Variants in HECW1 observed in about 807,000 individuals in gnomAD.
HECW1 encodes the protein HECT, C2 and WW domain containing E3 ubiquitin protein ligase 1, also known as E3 ubiquitin-protein ligase HECW1.
In HECW1, 61 loss-of-function variants were observed where a neutral mutation model predicts 182.3. The observed-to-expected ratio is 0.33, with a 90% CI of 0.27 to 0.41. The LOEUF (loss-of-function observed/expected upper bound fraction) is 0.41, where lower values mean the gene tolerates loss of function less well. Ranked by LOEUF, HECW1 falls within the 10% of genes least tolerant of loss-of-function variation. The pLI, the probability that HECW1 is intolerant of heterozygous loss-of-function variation, is 1.00. For synonymous variants in HECW1, 859 were observed against 832.6 expected (o/e 1.03, Z -0.55); for missense variants, 1,739 against 2,108.9 (o/e 0.82, Z 3.44).
intron 24 of HECW1, chr7:43,523,208 T>C: frequency 4.2e-6 from 1 of 238,972 alleles, no homozygotes; most frequent in South Asian, 3.7e-5. Flanking sequence ...TTCTCCATGT[T>C]GGCCGGGGGG....
chr7:43,299,411 C>T (rs981546364), intron 3 of HECW1, among the ~76,000 whole-genome samples: 12 of 152,080 alleles, frequency 7.9e-5, no homozygotes, highest in African/African-American at 1.7e-4. Flanking sequence ...ATGGACTGCA[C>T]GAAAACCGTG....
chr7:43,303,654 A>G (rs1807154682), intron 3 of HECW1, among the ~76,000 whole-genome samples: 1 of 152,110 alleles, frequency 6.6e-6, no homozygotes, highest in African/African-American at 2.4e-5. Flanking sequence ...TAATTCTGTG[A>G]TATTCTTCCA....
In HECW1 at chr7:43,279,656, G is replaced by T. The variant is rs577368075; in HGVS notation, c.28-32107G>T. ...ATTTCATTTGTTCTGAAGCTGATGT[G>T]TTTTCTCTGCAGATAGCTCCTCTGC... On this transcript the variant is annotated intron_variant, in intron 3 of 29. Transcript: ENST00000395891. Among the ~76,000 whole-genome samples the T allele has an allele frequency of 9.2e-5, 14 of 152,160 alleles. No individual in the cohort carries two copies. The East Asian group carries it at 1.7e-3, about 19-fold the overall frequency.
intron 5 of HECW1, among the ~76,000 whole-genome samples, chr7:43,333,290 A>G (rs978355939): frequency 6.6e-6 from 1 of 152,236 alleles, no homozygotes; most frequent in Non-Finnish European, 1.5e-5. Flanking sequence ...TCATATCCAG[A>G]TGATCCCAAG....
chr7:43,221,928 G>A (rs963418898), intron 2 of HECW1, among the ~76,000 whole-genome samples: 2 of 152,114 alleles, frequency 1.3e-5, no homozygotes, highest in African/African-American at 4.8e-5. Context: ...ACGATTATGA[G>A]ATGCAGATCC....
intron 11 of HECW1, among the ~76,000 whole-genome samples, chr7:43,448,394 A>G (rs1339858756): frequency 6.6e-6 from 1 of 152,186 alleles, no homozygotes; most frequent in Non-Finnish European, 1.5e-5. Flanking sequence ...ACATAATGTC[A>G]TTGTTATGAG....
chr7:43,198,648 CTA>C (rs1177749349), intron 2 of HECW1, among the ~76,000 whole-genome samples: 2 of 150,322 alleles, frequency 1.3e-5, no homozygotes, highest in Non-Finnish European at 3.0e-5. Flanking sequence ...ACCCCACACT[CTA>C]TCTCACACAC....
chr7:43,231,989 T>C (rs1422890912), intron 2 of HECW1, among the ~76,000 whole-genome samples: 2 of 124,298 alleles, frequency 1.6e-5, no homozygotes, highest in Non-Finnish European at 3.1e-5. Flanking sequence ...ACCACTGCAC[T>C]CCAGCCTGGG....
At chr7:43,545,016 C>CA (rs2152955514) in intron 26 of HECW1, among the ~76,000 whole-genome samples, 1 of 152,282 alleles carries the variant, frequency 6.6e-6, no homozygotes, top group South Asian at 2.1e-4. Context: ...GTAATCCCAG[C>CA]ACTGTGGGAG....
chr7:43,384,392 G>A (rs1030099805), intron 6 of HECW1, among the ~76,000 whole-genome samples: 13 of 152,178 alleles, frequency 8.5e-5, no homozygotes, highest in African/African-American at 3.1e-4. Flanking sequence ...AGGGAATGTG[G>A]CAGCTGCTGC....
chr7:43,564,730 A>T lies in HECW1; in HGVS notation c.*2804A>T, dbSNP rs2082289987. 5.6e-6 allele frequency: 1 copy of T among 179,916 alleles called. No homozygotes were observed. Among genetic ancestry groups the T allele is most frequent in the Non-Finnish European group, 1.2e-5 (1 of 84,024 alleles). 11.1% of individuals were successfully genotyped at this position (179,916 alleles called of 1,614,324 possible). ...ATGGAAATTCATGTTTACCTTATTT[A>T]TAAGGCTGATTTTTAAATTATATAT... On this transcript the variant is annotated 3_prime_UTR_variant, in exon 30 of 30. Transcript: ENST00000395891.
At chr7:43,378,670 G>A (rs1182532666) in intron 6 of HECW1, among the ~76,000 whole-genome samples, 1 of 152,128 alleles carries the variant, frequency 6.6e-6, no homozygotes, top group East Asian at 1.9e-4. Context: ...GCTGAGTGTG[G>A]TGGTGTGCAC....
At chr7:43,136,256 T>C (rs934746884) in intron 2 of HECW1, among the ~76,000 whole-genome samples, 1 of 152,330 alleles carries the variant, frequency 6.6e-6, no homozygotes, top group Non-Finnish European at 1.5e-5. Flanking sequence ...TTGGCACTTA[T>C]CTATTGAGGC....
At chr7:43,339,585 A>G (rs925363900) in intron 5 of HECW1, among the ~76,000 whole-genome samples, 6 of 152,220 alleles carry the variant, frequency 3.9e-5, no homozygotes, top group Non-Finnish European at 7.4e-5. Flanking sequence ...CCCTGCTTCT[A>G]TCTATTGCTG....
chr7:43,278,920 C>A (rs1803528695), intron 3 of HECW1, among the ~76,000 whole-genome samples: 1 of 152,142 alleles, frequency 6.6e-6, no homozygotes, highest in African/African-American at 2.4e-5. Flanking sequence ...TAGTCTCCTC[C>A]CCATTAGGAT....
At chr7:43,373,164 TG>T (rs2152821215) in intron 6 of HECW1, among the ~76,000 whole-genome samples, 1 of 150,614 alleles carries the variant, frequency 6.6e-6, no homozygotes, top group East Asian at 1.9e-4. Context: ...AGCTCTGTGG[TG>T]CTGCCCATGC....
chr7:43,266,409 C>A (rs1801804820), intron 3 of HECW1, among the ~76,000 whole-genome samples: 1 of 152,186 alleles, frequency 6.6e-6, no homozygotes, highest in Non-Finnish European at 1.5e-5. Context: ...GATCTTGGCT[C>A]ACTGCGTCCT....
At chr7:43,153,089 C>G (rs1562603695) in intron 2 of HECW1, among the ~76,000 whole-genome samples, 1 of 152,140 alleles carries the variant, frequency 6.6e-6, no homozygotes, top group Non-Finnish European at 1.5e-5. Context: ...AGTTCTAGAA[C>G]TTTCTATGAT....
chr7:43,501,555 G>A (rs1323353798), intron 21 of HECW1, among the ~76,000 whole-genome samples: 1 of 152,088 alleles, frequency 6.6e-6, no homozygotes, highest in Non-Finnish European at 1.5e-5. Context: ...GTTTTGCTGG[G>A]CAGGTGGCTC....
Sources: allele counts gnomAD v4.1 joint callset (sites outside exome capture counted in the v4.1 genomes callset), GRCh38; gene constraint gnomAD v4.1.1; transcripts MANE v1.5; gene names NCBI Gene and HGNC (gene_info 2026-07-23, HGNC 2026-07-21).